The following TSC22D1 variants were observed in gnomAD, a reference collection of about 807,000 sequenced individuals.
The protein encoded by TSC22D1 is TSC22 domain family member 1.
A neutral mutation model predicts 74.2 loss-of-function variants in TSC22D1; 9 were observed. That is an observed-to-expected ratio of 0.12 (90% confidence interval 0.07 to 0.21). The LOEUF is 0.21. Among genes scored for constraint, TSC22D1 ranks in the 10% least tolerant of loss-of-function variants. The probability of loss-of-function intolerance (pLI) is 1.00; values close to 1 mark genes in which losing one functional copy is unlikely to be tolerated. For missense variants in TSC22D1, 1,427 were observed against 1,304.7 expected, an observed-to-expected ratio of 1.09 and a Z score of -1.44; for synonymous variants, 586 against 492.5, an observed-to-expected ratio of 1.19 and a Z score of -2.51.
Position 44,574,667 on chromosome 13 carries a change from C to G in TSC22D1, c.1408G>C (p.Val470Leu). The change falls in exon 1 of 3, where the codon GTG becomes CTG. Residue 470 changes from valine (V) to leucine (L), a missense_variant. Coordinates refer to ENST00000458659, the MANE Select transcript of TSC22D1 (RefSeq NM_183422.4). ...CTCAGTGTGCTGACACTACTGCTCACTGAACTCCCACTAGTGCTCTCCCTT... is the reference window on the plus strand; with the variant it reads ...CTCAGTGTGCTGACACTACTGCTCAGTGAACTCCCACTAGTGCTCTCCCTT... The part of the protein sequence containing the change: ...SERESTSGSS[V>L]SSSVSTLSHY... 1 of 1,614,140 alleles carries G rather than the reference C, an allele frequency of 6.2e-7. No homozygotes were observed. The highest frequency in any genetic ancestry group is 8.5e-7 in the Non-Finnish European group (1 of 1,180,024).
intron 1 of TSC22D1, among the ~76,000 whole-genome samples, chr13:44,546,749 C>CGTGTGTGTGTGTGTGTGTGTGT (rs58111185): frequency 0.051 from 7,409 of 146,548 alleles, 257 homozygotes; most frequent in Non-Finnish European, 0.07. Context: ...GTGTGAAATA[C>CGTGTGTGTGTGTGTGTGTGTGT]GTGTGTGTGT....
chr13:44,537,839 G>A, intron 1 of TSC22D1: 1 of 985,186 alleles, frequency 1.0e-6, no homozygotes, highest in Non-Finnish European at 1.2e-6. Context: ...TTTAGCAAAT[G>A]TGGCTTCTAA....
At chr13:44,444,650 A>G (rs1227748879) in intron 1 of TSC22D1, among the ~76,000 whole-genome samples, 1 of 152,286 alleles carries the variant, frequency 6.6e-6, no homozygotes, top group South Asian at 2.1e-4. Context: ...TTAGAAATCA[A>G]TAACATGAGA....
chr13:44,483,804 A>C (rs1343389055), intron 1 of TSC22D1, among the ~76,000 whole-genome samples: 1 of 152,244 alleles, frequency 6.6e-6, no homozygotes, highest in Non-Finnish European at 1.5e-5. Flanking sequence ...GACATGCAGA[A>C]AGATGCTGGA....
At chr13:44,546,906 G>T (rs1881864794) in intron 1 of TSC22D1, among the ~76,000 whole-genome samples, 1 of 151,946 alleles carries the variant, frequency 6.6e-6, no homozygotes, top group African/African-American at 2.4e-5. Flanking sequence ...TAGTACCTGG[G>T]ACTACAGGGA....
intron 1 of TSC22D1, among the ~76,000 whole-genome samples, chr13:44,511,245 C>T (rs574309766): frequency 1.7e-4 from 26 of 152,178 alleles, no homozygotes; most frequent in African/African-American, 5.5e-4. Flanking sequence ...GATCACACCA[C>T]TACACTTCAG....
In TSC22D1 at chr13:44,574,867, T is replaced by C; in HGVS notation, c.1208A>G (p.Asn403Ser). 1 of 1,614,178 alleles carries C rather than the reference T, an allele frequency of 6.2e-7. No homozygotes were observed. The highest frequency in any genetic ancestry group is 8.5e-7 in the Non-Finnish European group (1 of 1,180,038). ...CTTCACAACTCTGAACCTCGAAGTG[T>C]TAACTGTTGGTTGTTGCTGCTGACT... ...VSSQQQQPTV[N>S]TSRFRVVKLD... The change falls in exon 1 of 3, where the codon AAC becomes AGC. Residue 403 changes from asparagine to serine, a missense_variant. Asn to Ser is a conservative substitution (Grantham distance 46). Around this residue, in one of 3 missense-constraint regions of TSC22D1, gnomAD observed 1,343 missense variants for 1,191.5 expected, o/e 1.13. Transcript: ENST00000458659.
intron 1 of TSC22D1, among the ~76,000 whole-genome samples, chr13:44,501,793 G>A (rs1879229622): frequency 6.6e-6 from 1 of 152,192 alleles, no homozygotes; most frequent in Admixed American, 6.5e-5. Flanking sequence ...ATGTGTGTGA[G>A]AGAGAAAACA....
At chr13:44,536,751 T>TTGCAAAATTGAGG (rs1196081048) in intron 1 of TSC22D1, 4 of 984,660 alleles carry the variant, frequency 4.1e-6, no homozygotes. Context: ...TTTTAATGGT[T>TTGCAAAATTGAGG]TGCAAAATTG....
At chr13:44,509,950 C>CAAAAAAAAAAA in intron 1 of TSC22D1, among the ~76,000 whole-genome samples, 95 of 51,426 alleles carry the variant, frequency 1.8e-3, no homozygotes, top group Admixed American at 2.1e-3. Context: ...AGAAAATAAG[C>CAAAAAAAAAAA]AAAAAAAAAA....
At chr13:44,520,409 T>G (rs533428824) in intron 1 of TSC22D1, among the ~76,000 whole-genome samples, 14 of 152,288 alleles carry the variant, frequency 9.2e-5, no homozygotes, top group Admixed American at 5.2e-4. Flanking sequence ...AATAGTATTA[T>G]TTCAGTGAGG....
chr13:44,451,605 T>C (rs1876139011), intron 1 of TSC22D1: 1 of 152,230 alleles, frequency 6.6e-6, no homozygotes, highest in Non-Finnish European at 1.5e-5. Flanking sequence ...GTGATTCAAC[T>C]GAGCACAATT....
At chr13:44,508,342 T>C (rs1020013483) in intron 1 of TSC22D1, among the ~76,000 whole-genome samples, 14 of 152,330 alleles carry the variant, frequency 9.2e-5, no homozygotes, top group African/African-American at 3.1e-4. Context: ...TTGGTTAAAG[T>C]ATGATACTAA....
At chr13:44,453,641 CAAT>C (rs1308572184) in intron 1 of TSC22D1, among the ~76,000 whole-genome samples, 3 of 152,148 alleles carry the variant, frequency 2.0e-5, no homozygotes, top group Non-Finnish European at 4.4e-5. Context: ...GGGCATGACT[CAAT>C]AATCTAGCAG....
In TSC22D1 at chr13:44,434,387, T is replaced by A. The variant is rs1804592; in HGVS notation, c.*239A>T. The A allele has an allele frequency of 7.3e-7, 1 of 1,371,924 alleles. No individual in the cohort carries two copies. Among genetic ancestry groups the A allele is most frequent in the Non-Finnish European group, 9.3e-7 (1 of 1,071,926 alleles). The allele number at this position is 1,371,924 out of a possible 1,614,324, so 85.0% of individuals were successfully genotyped here. On this transcript the variant is annotated 3_prime_UTR_variant, in exon 3 of 3. Transcript: ENST00000458659. ...CAGATATCTGCCAAGCTGCATGAGG[T>A]CCCGGTATATCCATGCTAATTCTCG...
intron 1 of TSC22D1, among the ~76,000 whole-genome samples, chr13:44,505,593 T>G (rs1442161562): frequency 6.6e-6 from 1 of 152,140 alleles, no homozygotes; most frequent in Non-Finnish European, 1.5e-5. Flanking sequence ...ACTATACAGT[T>G]TTTTAAAATC....
intron 1 of TSC22D1, among the ~76,000 whole-genome samples, chr13:44,548,154 G>A (rs1881953170): frequency 6.6e-6 from 1 of 152,174 alleles, no homozygotes; most frequent in African/African-American, 2.4e-5. Flanking sequence ...GGACTCTGAG[G>A]TTTAATTTAC....
rs114920421 is a variant in TSC22D1 at position 44,575,989 on chromosome 13, G to A, written c.86C>T (p.Pro29Leu). The part of the protein sequence containing the change: ...ARKMAHPAMF[P>L]RRGSGSGSAS... ...GCTGCCACTACCGCTGCCCCTTCGA[G>A]GGAACATTGCCGGGTGCGCCATCTT... The change falls in exon 1 of 3, where the codon CCT becomes CTT. Residue 29 changes from proline to leucine, a missense_variant. Pro to Leu is a moderately conservative substitution (Grantham distance 98, BLOSUM62 -3). Around this residue, in one of 3 missense-constraint regions of TSC22D1, gnomAD observed 1,343 missense variants for 1,191.5 expected, o/e 1.13. Transcript: ENST00000458659. 132 of 1,598,440 alleles carry A rather than the reference G, an allele frequency of 8.3e-5. No individual in the cohort carries two copies. The African/African-American group carries it at 1.7e-3, about 21-fold the overall frequency.
chr13:44,567,275 CAAG>C (rs1453806765), intron 1 of TSC22D1, among the ~76,000 whole-genome samples: 8 of 152,132 alleles, frequency 5.3e-5, no homozygotes, highest in African/African-American at 1.7e-4. Flanking sequence ...GGAGGATATA[CAAG>C]AAGAAACCGA....
Sources: gnomAD v4.1 joint callset for allele counts (sites outside exome capture counted in the v4.1 genomes callset) on GRCh38, gnomAD v4.1.1 for gene constraint, gnomAD v4.1.1 regional missense constraint, MANE v1.5 for transcripts, NCBI Gene and HGNC (gene_info 2026-07-23, HGNC 2026-07-21) for gene names.